PTPRA: variants seen among roughly 807,000 people sequenced by gnomAD.
PTPRA encodes receptor-type tyrosine-protein phosphatase alpha.
PTPRA carries 25 observed loss-of-function variants against 104.8 expected under a neutral mutation model. That is an observed-to-expected ratio of 0.24 (90% CI 0.17 to 0.33). The LOEUF (loss-of-function observed/expected upper bound fraction) is 0.33. Among genes scored for constraint, PTPRA ranks in the 10% least tolerant of loss-of-function variants. The probability of loss-of-function intolerance (pLI) is 1.00; values close to 1 mark genes in which losing one functional copy is unlikely to be tolerated. For synonymous variants in PTPRA, 323 were observed against 368.9 expected (o/e 0.88, Z 1.43); for missense variants, 765 against 1,015.3 (o/e 0.75, Z 3.35).
chr20:2,991,211 T>C (rs2063157963), intron 9 of PTPRA, among the ~76,000 whole-genome samples: 1 of 151,906 alleles, frequency 6.6e-6, no homozygotes, highest in South Asian at 2.1e-4. Flanking sequence ...ATACAAAAAT[T>C]AGCCAGGCGT....
rs530007949 is a variant in PTPRA, at chr20:2,877,022, A to G, written c.-129+3262A>G. 2.6e-5 allele frequency among the ~76,000 whole-genome samples: 4 copies of G among 152,036 alleles called. No homozygotes were observed. In the East Asian group the frequency reaches 7.7e-4, roughly 29 times the overall value. On this transcript the variant is annotated intron_variant, in intron 1 of 23. Coordinates refer to ENST00000399903, the MANE Select transcript of PTPRA (RefSeq NM_001385305.1). ...GGTGGTGGTGGGTGTTTTGTTTTGT[A>G]TTTTTGCACCCCTCATGTTTGTATT...
Position 3,022,381 on chromosome 20 carries a change from T to C in PTPRA, c.1328+161T>C, listed in dbSNP as rs2277756. On this transcript the variant is annotated intron_variant, in intron 15 of 23. Transcript: ENST00000399903. The surrounding 1 kb of genome is among the most constrained non-coding windows in gnomAD (Gnocchi z 4.6). ...AGAGACTCCAAGTTCTAGTGCAGGG[T>C]GGAGAATATGACTTGAGGAAGGAGG... 0.14 allele frequency among the ~76,000 whole-genome samples: 20,853 copies of C among 151,856 alleles called. 1,776 individuals are homozygous for C. Among genetic ancestry groups the C allele is most frequent in the East Asian group, 0.29 (1,484 of 5,152 alleles).
chr20:3,009,746 G>A (rs919445271), intron 11 of PTPRA, among the ~76,000 whole-genome samples: 3 of 152,184 alleles, frequency 2.0e-5, no homozygotes, highest in African/African-American at 7.2e-5. Context: ...AAGAGATTAG[G>A]TGGAATAGGT....
chr20:2,880,625 A>G (rs2089993172), intron 1 of PTPRA, among the ~76,000 whole-genome samples: 1 of 152,242 alleles, frequency 6.6e-6, no homozygotes. Flanking sequence ...TATTCAAATA[A>G]GTCAGCTCTT....
At chr20:2,997,063 A>G (rs1374455674) in intron 9 of PTPRA, among the ~76,000 whole-genome samples, 3 of 152,240 alleles carry the variant, frequency 2.0e-5, no homozygotes, top group Admixed American at 6.5e-5. Context: ...TATATCCATT[A>G]TGATATTCTA....
At chr20:2,908,064 A>T (rs772038943) in intron 1 of PTPRA, among the ~76,000 whole-genome samples, 3 of 152,132 alleles carry the variant, frequency 2.0e-5, no homozygotes, top group Non-Finnish European at 4.4e-5. Flanking sequence ...CTAGAATATT[A>T]CTTTTCTTGC....
intron 2 of PTPRA, among the ~76,000 whole-genome samples, chr20:2,941,113 C>T (rs1302470999): frequency 6.6e-6 from 1 of 152,100 alleles, no homozygotes; most frequent in African/African-American, 2.4e-5. Context: ...TCACTGCAAC[C>T]TCTGCCTCCT....
At chr20:2,901,781 T>C (rs1191246786) in intron 1 of PTPRA, among the ~76,000 whole-genome samples, 2 of 152,194 alleles carry the variant, frequency 1.3e-5, no homozygotes, top group Non-Finnish European at 2.9e-5. Context: ...ATTCAGGTGT[T>C]AGCATGCAAT....
At chr20:2,915,661 C>T (rs547193541) in intron 1 of PTPRA, among the ~76,000 whole-genome samples, 123 of 152,316 alleles carry the variant, frequency 8.1e-4, no homozygotes, top group African/African-American at 2.7e-3. Context: ...AATTCAGTGT[C>T]ATGAAGATTT....
chr20:2,919,399 G>C (rs1437431888), intron 1 of PTPRA, among the ~76,000 whole-genome samples: 1 of 152,044 alleles, frequency 6.6e-6, no homozygotes, highest in African/African-American at 2.4e-5. Flanking sequence ...CAAATTAATA[G>C]GATATATAAT....
At chr20:2,970,096 C>T (rs12625897) in intron 5 of PTPRA, among the ~76,000 whole-genome samples, 30,968 of 151,994 alleles carry the variant, frequency 0.2, 3,576 homozygotes, top group East Asian at 0.38. Context: ...GTTACCCTAT[C>T]ATACTTGCTC....
chr20:2,942,848 A>G (rs2060969771), intron 2 of PTPRA, among the ~76,000 whole-genome samples: 3 of 151,986 alleles, frequency 2.0e-5, no homozygotes, highest in Non-Finnish European at 2.9e-5. Context: ...TTATATTCCA[A>G]GACCCCCAGT....
chr20:2,977,336 A>C (rs933359614), intron 6 of PTPRA, among the ~76,000 whole-genome samples: 2 of 150,440 alleles, frequency 1.3e-5, no homozygotes, highest in Admixed American at 1.3e-4. Context: ...GTAAAGAAGT[A>C]GTCCTTGAGC....
Position 3,022,669 on chromosome 20 carries a change from C to G in PTPRA, c.1329-20C>G. ...AAGGCAGGCTGGCCATCCCTATAACCCCCTGCTCTCTGGCTACAGTGCAGG... is the reference window on the plus strand; with the variant it reads ...AAGGCAGGCTGGCCATCCCTATAACGCCCTGCTCTCTGGCTACAGTGCAGG... On this transcript the variant is annotated intron_variant, in intron 15 of 23. Coordinates refer to ENST00000399903, the MANE Select transcript of PTPRA (RefSeq NM_001385305.1). This position sits in a 1 kb window ranked among gnomAD's most constrained non-coding sequence, Gnocchi z 4.6. 1.2e-6 allele frequency: 2 copies of G among 1,614,008 alleles called. No individual in the cohort carries two copies. The highest frequency in any genetic ancestry group is 1.7e-5 in the Admixed American group (1 of 60,002).
At chr20:2,927,731 G>A (rs565325935) in intron 2 of PTPRA, among the ~76,000 whole-genome samples, 1 of 152,102 alleles carries the variant, frequency 6.6e-6, no homozygotes, top group African/African-American at 2.4e-5. Context: ...TAGAGGCTAG[G>A]GGGCATGGTG....
At chr20:2,904,267 A>T (rs527917199) in intron 1 of PTPRA, among the ~76,000 whole-genome samples, 3 of 152,310 alleles carry the variant, frequency 2.0e-5, no homozygotes, top group East Asian at 3.9e-4. Context: ...CAGAATTTTT[A>T]AAATTTTTAA....
chr20:2,964,942 C>T lies in PTPRA; in HGVS notation c.155C>T (p.Pro52Leu), dbSNP rs1455831304. The T allele has an allele frequency of 6.2e-7, 1 of 1,613,928 alleles. No homozygotes were observed. Among genetic ancestry groups the T allele is most frequent in the East Asian group, 2.2e-5 (1 of 44,886 alleles). The change falls in exon 5 of 24, where the codon CCA becomes CTA. Residue 52 changes from proline (P) to leucine (L), a missense_variant. Transcript: ENST00000399903. ...PVKEEAKTSN[P>L]TSSLTSLSVA... ...AAAGAAGAGGCCAAAACTTCAAATC[C>T]AACTTCTTCACTAACTTCTCTTTCT...
At chr20:3,034,595 G>A (rs960734896) in intron 20 of PTPRA, among the ~76,000 whole-genome samples, 9 of 151,818 alleles carry the variant, frequency 5.9e-5, no homozygotes, top group African/African-American at 1.9e-4. Flanking sequence ...AGAGGCCCAG[G>A]GCACCGATCC....
At chr20:3,029,505 C>G (rs918322914) in intron 20 of PTPRA, among the ~76,000 whole-genome samples, 4 of 144,144 alleles carry the variant, frequency 2.8e-5, no homozygotes, top group Non-Finnish European at 6.0e-5. Flanking sequence ...TATCATGTAC[C>G]TAATCAACAG....
Sources: allele counts gnomAD v4.1 joint callset (sites outside exome capture counted in the v4.1 genomes callset), GRCh38; gene constraint gnomAD v4.1.1; non-coding constraint Gnocchi (gnomAD v3.1); transcripts MANE v1.5; gene names NCBI Gene and HGNC (gene_info 2026-07-23, HGNC 2026-07-21).